Variants in ZNF322 observed in about 807,000 individuals in gnomAD.
The protein encoded by ZNF322 is HLA complex group 12.
ZNF322 carries 1 observed loss-of-function variant against 18.3 expected under a neutral mutation model. The ratio of observed to expected loss-of-function variants is 0.05; its 90% CI spans 0.02 to 0.26. The LOEUF is 0.26. ZNF322 is among the 10% of genes least tolerant of loss of function. The pLI is 1.00. For missense variants in ZNF322, 36 were observed against 403.6 expected, an observed-to-expected ratio of 0.09 and a Z score of 7.80; for synonymous variants, 17 against 130.7, an observed-to-expected ratio of 0.13 and a Z score of 5.93.
intron 3 of ZNF322, among the ~76,000 whole-genome samples, chr6:26,640,752 AGAG>A (rs1365257126): frequency 1.3e-5 from 2 of 152,200 alleles, no homozygotes; most frequent in Non-Finnish European, 2.9e-5. Context: ...CAAACCTAGA[AGAG>A]GAGTTCTTAC....
chr6:26,649,695 A>AT (rs1765630710), intron 2 of ZNF322, among the ~76,000 whole-genome samples: 2 of 51,840 alleles, frequency 3.9e-5, no homozygotes, highest in African/African-American at 1.7e-4. Flanking sequence ...ATATATATAT[A>AT]TATATATTTT....
chr6:26,654,281 C>T (rs1448827551), intron 2 of ZNF322, among the ~76,000 whole-genome samples: 5 of 151,948 alleles, frequency 3.3e-5, no homozygotes, highest in East Asian at 1.9e-4. Flanking sequence ...TGTGAAATTA[C>T]GTATGTTTAT....
intron 2 of ZNF322, among the ~76,000 whole-genome samples, chr6:26,645,752 T>A (rs1765546384): frequency 6.6e-6 from 1 of 152,060 alleles, no homozygotes; most frequent in Non-Finnish European, 1.5e-5. Context: ...CTAAGTATGG[T>A]CAGGTGCGGT....
rs1561924893 is a variant in ZNF322 at position 26,649,686 on chromosome 6, TATATATATA to T, written c.-245-5967_-245-5959del. Among the ~76,000 whole-genome samples the T allele has an allele frequency of 1.3e-3, 111 of 84,166 alleles. 3 individuals are homozygous for T. The highest frequency in any genetic ancestry group is 1.6e-3 in the African/African-American group (30 of 19,258). 55.2% of individuals were successfully genotyped at this position (84,166 alleles called of 152,430 possible). ...GTGTGTGTGTGTGTGTATATATATA[TATATATATA>T]TATATATTTTTTTTTTTTTTTTTTT... is the stretch of plus-strand genomic sequence containing the variant. On this transcript the variant is annotated intron_variant, in intron 2 of 3. Transcript: ENST00000415922.
At chr6:26,656,794 C>T (rs1311711488) in intron 2 of ZNF322, among the ~76,000 whole-genome samples, 1 of 151,954 alleles carries the variant, frequency 6.6e-6, no homozygotes, top group Non-Finnish European at 1.5e-5. Context: ...CTAAAGTTAT[C>T]AGTCCAAGAT....
At chr6:26,646,777 A>G (rs1394736060) in intron 2 of ZNF322, among the ~76,000 whole-genome samples, 1 of 152,194 alleles carries the variant, frequency 6.6e-6, no homozygotes, top group Admixed American at 6.5e-5. Context: ...TAAAGGAAGC[A>G]TCATTATCGC....
chr6:26,651,303 G>A (rs1765664898), intron 2 of ZNF322: 1 of 150,842 alleles, frequency 6.6e-6, no homozygotes, highest in South Asian at 2.1e-4. Context: ...AAATGAACTT[G>A]GAGGACATTA....
At chr6:26,649,634 CAT>C (rs1286908376) in intron 2 of ZNF322, among the ~76,000 whole-genome samples, 3 of 93,752 alleles carry the variant, frequency 3.2e-5, no homozygotes, top group Middle Eastern at 5.5e-3. Flanking sequence ...TATATACATA[CAT>C]ATGTGTGTGT....
At chr6:26,653,670 T>C (rs986276267) in intron 2 of ZNF322, among the ~76,000 whole-genome samples, 3 of 152,088 alleles carry the variant, frequency 2.0e-5, no homozygotes, top group African/African-American at 4.8e-5. Context: ...AAATTATATA[T>C]GTAGTTCTCC....
Position 26,636,173 on chromosome 6 carries a change from G to C in ZNF322, c.*1172C>G, listed in dbSNP as rs1765348032. 1 of 145,506 alleles carries C rather than the reference G, an allele frequency of 6.9e-6. No homozygotes were observed. The highest frequency in any genetic ancestry group is 3.2e-3 in the Middle Eastern group (1 of 312). 9.0% of individuals were successfully genotyped at this position (145,506 alleles called of 1,614,324 possible). A position where few individuals can be genotyped will look rare whatever the true frequency, so the allele number is the denominator to read the frequency against. The stretch of plus-strand genomic sequence containing the variant: ...AAGTTCATTTCACTGCCAGCAAAAG[G>C]CTGCCATGTTACTATCAACACTCTA... On this transcript the variant is annotated 3_prime_UTR_variant, in exon 4 of 4. Coordinates refer to ENST00000415922, the MANE Select transcript of ZNF322 (RefSeq NM_024639.5).
intron 2 of ZNF322, among the ~76,000 whole-genome samples, chr6:26,654,563 A>G (rs1765730865): frequency 6.6e-6 from 1 of 152,196 alleles, no homozygotes; most frequent in African/African-American, 2.4e-5. Context: ...GCCACTGTAC[A>G]AATCTGGAAC....
At chr6:26,649,678 TATATATATATATATATA>T (rs1765626050) in intron 2 of ZNF322, among the ~76,000 whole-genome samples, 2 of 26,582 alleles carry the variant, frequency 7.5e-5, no homozygotes, top group African/African-American at 2.3e-4. Context: ...TGTGTGTGTA[TATATATATATATATATA>T]TATATATTTT....
chr6:26,642,668 G>A (rs1481576424), intron 3 of ZNF322, among the ~76,000 whole-genome samples: 1 of 152,064 alleles, frequency 6.6e-6, no homozygotes, highest in Non-Finnish European at 1.5e-5. Flanking sequence ...AAAGCCTAAC[G>A]TATCACAAGC....
At chr6:26,653,404 G>A (rs1765709231) in intron 2 of ZNF322, among the ~76,000 whole-genome samples, 1 of 152,110 alleles carries the variant, frequency 6.6e-6, no homozygotes, top group African/African-American at 2.4e-5. Flanking sequence ...CCAATAACAT[G>A]AAAATATAAA....
chr6:26,654,617 C>T (rs1419432816), intron 2 of ZNF322, among the ~76,000 whole-genome samples: 1 of 151,456 alleles, frequency 6.6e-6, no homozygotes, highest in Non-Finnish European at 1.5e-5. Flanking sequence ...AAATTAGTCA[C>T]ACAATAAGAA....
rs1554148975 is a variant in ZNF322, at chr6:26,649,643, G to A, written c.-245-5915C>T. 8.4e-4 allele frequency among the ~76,000 whole-genome samples: 15 copies of A among 17,858 alleles called. 1 individual carries two copies. The highest frequency in any genetic ancestry group is 1.8e-3 in the African/African-American group (14 of 7,962). The allele number at this position is 17,858 out of a possible 152,430, so 11.7% of individuals were successfully genotyped here. A position where few individuals can be genotyped will look rare whatever the true frequency, so the allele number is the denominator to read the frequency against. ...CTTTTATATATACATACATATGTGTGTGTGTGTGTGTGTGTGTGTGTGTGT... is the reference window on the plus strand; with the variant it reads ...CTTTTATATATACATACATATGTGTATGTGTGTGTGTGTGTGTGTGTGTGT... On this transcript the variant is annotated intron_variant, in intron 2 of 3. Transcript: ENST00000415922.
intron 2 of ZNF322, among the ~76,000 whole-genome samples, chr6:26,650,034 A>C (rs1174954208): frequency 6.6e-6 from 1 of 152,068 alleles, no homozygotes; most frequent in Non-Finnish European, 1.5e-5. Flanking sequence ...AAATGAACAA[A>C]GTCAACGGTC....
At chr6:26,638,810 C>G in intron 3 of ZNF322, 82 bp from the exon 4 acceptor site, 1 of 482,476 alleles carries the variant, frequency 2.1e-6, no homozygotes, top group Non-Finnish European at 3.4e-6. Context: ...GCAGAAAAGA[C>G]AAACTCTGTA....
intron 2 of ZNF322, among the ~76,000 whole-genome samples, chr6:26,652,690 CA>C (rs1381833822): frequency 4.4e-4 from 61 of 138,058 alleles, no homozygotes; most frequent in Non-Finnish European, 5.3e-4. Flanking sequence ...AACTCCGTCT[CA>C]AAAAAAAAAA....
Sources: gnomAD v4.1 joint callset for allele counts (sites outside exome capture counted in the v4.1 genomes callset) on GRCh38, gnomAD v4.1.1 for gene constraint, MANE v1.5 for transcripts, NCBI Gene and HGNC (gene_info 2026-07-23, HGNC 2026-07-21) for gene names.